The following HPSE2 variants were observed in gnomAD, a reference collection of about 807,000 sequenced individuals.
The protein encoded by HPSE2 is heparanase 2 (inactive).
HPSE2 carries 38 observed loss-of-function variants against 60.5 expected under a neutral mutation model. That is an observed-to-expected ratio of 0.63 (90% CI 0.48 to 0.82). The LOEUF is 0.82. Ranked by LOEUF, HPSE2 falls within the 40% of genes least tolerant of loss-of-function variation. The pLI, the probability that HPSE2 is intolerant of heterozygous loss-of-function variation, is 0.00. For synonymous variants in HPSE2, 295 were observed against 293.2 expected, an observed-to-expected ratio of 1.01 and a Z score of -0.06; for missense variants, 713 against 740.4, an observed-to-expected ratio of 0.96 and a Z score of 0.43.
intron 9 of HPSE2, among the ~76,000 whole-genome samples, chr10:98,600,915 A>G (rs113958723): frequency 0.041 from 1,368 of 33,564 alleles, 31 homozygotes; most frequent in African/African-American, 0.065. Context: ...GTGTGTGTAT[A>G]TATATATATA....
chr10:98,712,797 C>A (rs1227994579), intron 5 of HPSE2, among the ~76,000 whole-genome samples: 1 of 152,096 alleles, frequency 6.6e-6, no homozygotes, highest in Non-Finnish European at 1.5e-5. Flanking sequence ...GAATATTCCA[C>A]TAGCAATTCT....
intron 3 of HPSE2, among the ~76,000 whole-genome samples, chr10:98,849,003 C>G (rs982883052): frequency 6.8e-6 from 1 of 146,082 alleles, no homozygotes; most frequent in Non-Finnish European, 1.5e-5. Flanking sequence ...CGCCCACAGT[C>G]GAGTGGGAAA....
intron 3 of HPSE2, among the ~76,000 whole-genome samples, chr10:99,104,918 C>T (rs546936030): frequency 1.6e-3 from 238 of 151,282 alleles, no homozygotes; most frequent in Non-Finnish European, 2.7e-3. Flanking sequence ...GTCGTGGGGT[C>T]GGGGGAGAGG....
chr10:99,021,254 G>T (rs1957255834), intron 3 of HPSE2, among the ~76,000 whole-genome samples: 1 of 152,112 alleles, frequency 6.6e-6, no homozygotes, highest in Non-Finnish European at 1.5e-5. Flanking sequence ...AGTTTATTGA[G>T]CACTTAGTAT....
At chr10:98,779,688 A>C (rs988181725) in intron 3 of HPSE2, among the ~76,000 whole-genome samples, 14 of 152,308 alleles carry the variant, frequency 9.2e-5, no homozygotes, top group African/African-American at 3.4e-4. Flanking sequence ...AGAGGACTCT[A>C]GCATTCATTC....
intron 2 of HPSE2, among the ~76,000 whole-genome samples, chr10:99,170,205 C>T (rs1243080336): frequency 2.6e-5 from 4 of 152,172 alleles, no homozygotes; most frequent in Admixed American, 2.6e-4. Context: ...AGACTCCAAG[C>T]CTCCTGACTG....
chr10:98,669,428 G>A (rs1947449967), intron 6 of HPSE2, among the ~76,000 whole-genome samples: 2 of 152,194 alleles, frequency 1.3e-5, no homozygotes, highest in Admixed American at 1.3e-4. Context: ...AAAGACACAT[G>A]CACTTCTATG....
chr10:98,900,224 A>G (rs1953627168), intron 3 of HPSE2, among the ~76,000 whole-genome samples: 1 of 152,230 alleles, frequency 6.6e-6, no homozygotes. Context: ...GCTGTGGTAT[A>G]GCCATACAAT....
intron 6 of HPSE2, among the ~76,000 whole-genome samples, chr10:98,669,429 C>T (rs1364043488): frequency 6.6e-6 from 1 of 152,216 alleles, no homozygotes; most frequent in African/African-American, 2.4e-5. Context: ...AAGACACATG[C>T]ACTTCTATGT....
intron 8 of HPSE2, among the ~76,000 whole-genome samples, chr10:98,617,451 A>C (rs1565019338): frequency 6.6e-6 from 1 of 152,208 alleles, no homozygotes. Context: ...TGATGTTTTT[A>C]CTAGTGTATA....
chr10:99,065,143 C>A (rs1371012084), intron 3 of HPSE2, among the ~76,000 whole-genome samples: 1 of 152,110 alleles, frequency 6.6e-6, no homozygotes, highest in Non-Finnish European at 1.5e-5. Flanking sequence ...TGGTACAAGA[C>A]CACCAGCTCA....
chr10:99,079,918 C>T (rs1225995023), intron 3 of HPSE2, among the ~76,000 whole-genome samples: 4 of 152,030 alleles, frequency 2.6e-5, no homozygotes, highest in African/African-American at 9.7e-5. Context: ...GTATTAGATA[C>T]GTGGTCCAAC....
intron 3 of HPSE2, among the ~76,000 whole-genome samples, chr10:99,029,233 C>A (rs570393219): frequency 9.6e-4 from 146 of 152,294 alleles, no homozygotes; most frequent in Non-Finnish European, 1.9e-3. Context: ...AACTATCCAT[C>A]TGACAAGAGA....
intron 3 of HPSE2, chr10:99,047,918 A>C: frequency 2.6e-6 from 2 of 758,624 alleles, no homozygotes; most frequent in Non-Finnish European, 4.8e-6. Flanking sequence ...GTTTGTCCTC[A>C]GGATCAGAGG....
At chr10:98,859,750 T>C (rs1049212499) in intron 3 of HPSE2, among the ~76,000 whole-genome samples, 4 of 152,158 alleles carry the variant, frequency 2.6e-5, no homozygotes, top group African/African-American at 9.7e-5. Flanking sequence ...ATAAAGCATA[T>C]TGTGGGACTT....
chr10:98,610,242 C>T (rs1419312937), intron 9 of HPSE2, among the ~76,000 whole-genome samples: 1 of 152,146 alleles, frequency 6.6e-6, no homozygotes, highest in Non-Finnish European at 1.5e-5. Context: ...GTGTCCACAC[C>T]ATAGCTTGGC....
At chr10:99,182,675 G>A (rs892862903) in intron 2 of HPSE2, among the ~76,000 whole-genome samples, 16 of 152,040 alleles carry the variant, frequency 1.1e-4, no homozygotes, top group African/African-American at 3.9e-4. Context: ...TGGAATAACA[G>A]GAACCAGATT....
intron 2 of HPSE2, among the ~76,000 whole-genome samples, chr10:99,165,529 G>GTATTTATTTATTTATTTATT (rs71009726): frequency 2.0e-4 from 29 of 144,070 alleles, no homozygotes; most frequent in African/African-American, 6.8e-4. Flanking sequence ...ATTTATTTAC[G>GTATTTATTTATTTATTTATT]TATTTATTTA....
chr10:99,077,614 C>CAT (rs1221417765), intron 3 of HPSE2, among the ~76,000 whole-genome samples: 2 of 151,558 alleles, frequency 1.3e-5, no homozygotes, highest in Non-Finnish European at 1.5e-5. Context: ...GTATCGACTT[C>CAT]ATATATATAC....
Sources: allele counts gnomAD v4.1 joint callset (sites outside exome capture counted in the v4.1 genomes callset), GRCh38; gene constraint gnomAD v4.1.1; transcripts MANE v1.5; gene names NCBI Gene and HGNC (gene_info 2026-07-23, HGNC 2026-07-21).